The following RGS3 variants were observed in gnomAD, a reference collection of about 807,000 sequenced individuals.
RGS3 encodes regulator of G protein signaling 3, also known as regulator of G-protein signalling 3.
A neutral mutation model predicts 132.6 loss-of-function variants in RGS3; 80 were observed. The ratio of observed to expected loss-of-function variants is 0.60; its 90% CI spans 0.50 to 0.73. RGS3 has a LOEUF of 0.73. RGS3 is among the 30% of genes least tolerant of loss of function. RGS3 has a pLI of 0.00. For synonymous variants in RGS3, 598 were observed against 620.6 expected (o/e 0.96, Z 0.54); for missense variants, 1,382 against 1,530.8 (o/e 0.90, Z 1.62).
chr9:113,484,354 A>C, intron 6 of RGS3, 122 bp downstream of exon 4: 2 of 476,712 alleles, frequency 4.2e-6, no homozygotes, highest in East Asian at 2.9e-5. Context: ...AAAAAACCAA[A>C]ACAAAAAAAA....
At chr9:113,583,781 C>G in exon 20 of RGS3, 2 of 1,614,204 alleles carry the variant, frequency 1.2e-6, no homozygotes, top group Non-Finnish European at 1.7e-6. Flanking sequence ...GAACCCCTGC[C>G]TCACCAGGAC....
chr9:113,461,580 C>A, intron 1 of RGS3: 1 of 974,262 alleles, frequency 1.0e-6, no homozygotes, highest in Non-Finnish European at 1.5e-6. Context: ...GCCTTGCAAT[C>A]TTCCAACTGA....
intron 19 of RGS3, among the ~76,000 whole-genome samples, chr9:113,553,008 A>C (rs1588240011): frequency 1.3e-5 from 2 of 152,146 alleles, no homozygotes; most frequent in East Asian, 3.8e-4. Context: ...CCCATTCCCC[A>C]AGCCCATTTC....
At chr9:113,561,586 A>ATTT (rs1181886025) in intron 19 of RGS3, among the ~76,000 whole-genome samples, 10,917 of 133,154 alleles carry the variant, frequency 0.082, 519 homozygotes, top group Non-Finnish European at 0.097. Context: ...CTAATTTTTA[A>ATTT]TTTTTTTTTT....
In RGS3 at chr9:113,564,858, G is replaced by C. The variant is rs78294798; in HGVS notation, c.2038-18592G>C. ...GGAAGTCAGCGTGTGCTGGCTGCAG[G>C]AGCCTGGGTTCAGTTGCAGCCTCCC... On this transcript the variant is annotated intron_variant, in intron 19 of 24. Coordinates refer to ENST00000350696, the Ensembl canonical transcript of RGS3. 7.2e-4 allele frequency: 660 copies of C among 920,996 alleles called. 3 individuals carry two copies. The African/African-American group carries it at 0.011, about 16-fold the overall frequency. The allele number at this position is 920,996 out of a possible 1,614,324, so 57.1% of individuals were successfully genotyped here.
intron 19 of RGS3, among the ~76,000 whole-genome samples, chr9:113,552,208 A>G (rs1235139566): frequency 1.3e-5 from 2 of 152,078 alleles, no homozygotes; most frequent in Non-Finnish European, 2.9e-5. Context: ...ATTACTTTTC[A>G]TTTTTCCCAA....
At chr9:113,456,838 T>C (rs1453636200), upstream of RGS3, among the ~76,000 whole-genome samples, 1 of 152,216 alleles carries the variant, frequency 6.6e-6, no homozygotes, top group African/African-American at 2.4e-5. Flanking sequence ...TTCGCTTTTG[T>C]CTTCCAGACT....
chr9:113,565,127 C>T lies in RGS3; in HGVS notation c.2038-18323C>T. On this transcript the variant is annotated intron_variant, in intron 19 of 24. Transcript: ENST00000350696. The surrounding 1 kb of genome is among the most constrained non-coding windows in gnomAD (Gnocchi z 5.7). ...AGCAGCACTTTGGGGCCAGCTTGGG[C>T]CCTGGGGATGAGCCACAGGGGACCC... 1.7e-6 allele frequency: 2 copies of T among 1,178,150 alleles called. No individual in the cohort carries two copies. The highest frequency in any genetic ancestry group is 1.6e-5 in the South Asian group (1 of 62,160). The allele number at this position is 1,178,150 out of a possible 1,614,324, so 73.0% of individuals were successfully genotyped here. A position where few individuals can be genotyped will look rare whatever the true frequency, so the allele number is the denominator to read the frequency against.
exon 25 of RGS3, chr9:113,596,994 T>G: frequency 6.5e-7 from 1 of 1,531,020 alleles, no homozygotes; most frequent in Non-Finnish European, 8.8e-7. Context: ...CCAGGCGGGC[T>G]GGGTCCCCTG....
intron 16 of RGS3, among the ~76,000 whole-genome samples, chr9:113,519,046 T>C (rs2119392119): frequency 6.6e-6 from 1 of 152,312 alleles, no homozygotes; most frequent in East Asian, 1.9e-4. Flanking sequence ...TGAGCACTTA[T>C]TGTGTATCCT....
chr9:113,512,508 T>TGCTTGGTGAGAAGGTGAG (rs1395414100), intron 14 of RGS3, among the ~76,000 whole-genome samples: 1 of 152,060 alleles, frequency 6.6e-6, no homozygotes, highest in African/African-American at 2.4e-5. Context: ...GGAGTCAACT[T>TGCTTGGTGAGAAGGTGAG]GTTTTTCTTA....
exon 20 of RGS3, chr9:113,584,036 G>A: frequency 6.2e-7 from 1 of 1,614,140 alleles, no homozygotes; most frequent in Non-Finnish European, 8.5e-7. Flanking sequence ...GAGCAGGGCT[G>A]CTCGGGAGAT....
intron 3 of RGS3, among the ~76,000 whole-genome samples, chr9:113,471,931 A>G (rs1487282959): frequency 6.6e-6 from 1 of 152,214 alleles, no homozygotes; most frequent in African/African-American, 2.4e-5. Context: ...AAGAACTCCC[A>G]TAAAAAGATG....
intron 7 of RGS3, among the ~76,000 whole-genome samples, chr9:113,491,130 A>G (rs1378270298): frequency 1.4e-5 from 2 of 143,884 alleles, no homozygotes; most frequent in Non-Finnish European, 3.0e-5. Context: ...GAAATTATAT[A>G]TACTAATATA....
chr9:113,546,016 C>T (rs559583649), intron 19 of RGS3, among the ~76,000 whole-genome samples: 9 of 152,242 alleles, frequency 5.9e-5, no homozygotes, highest in African/African-American at 2.2e-4. Context: ...CTGGAAGGGC[C>T]AGGGAGACTG....
chr9:113,563,335 AAC>A (rs1457230339), intron 19 of RGS3, among the ~76,000 whole-genome samples: 10 of 152,190 alleles, frequency 6.6e-5, no homozygotes, highest in African/African-American at 2.4e-4. Context: ...CCCAGGGCCT[AAC>A]ACAGAGCCTG....
chr9:113,594,633 A>C, intron 22 of RGS3, 102 bp downstream of exon 20: 1 of 993,292 alleles, frequency 1.0e-6, no homozygotes, highest in Non-Finnish European at 1.5e-6. Context: ...TGCCGGCTTG[A>C]TCCAGCTCTG....
chr9:113,451,919 G>A (rs1401041423), intron 1 of RGS3, among the ~76,000 whole-genome samples: 2 of 151,880 alleles, frequency 1.3e-5, no homozygotes, highest in African/African-American at 4.8e-5. Flanking sequence ...TTGTAAGTCT[G>A]AAAAAAATCT....
rs1833976826 is a variant in RGS3, at chr9:113,565,843, C to G, written c.2038-17607C>G. On this transcript the variant is annotated intron_variant, in intron 19 of 24. Transcript: ENST00000350696. The surrounding 1 kb of genome is among the most constrained non-coding windows in gnomAD (Gnocchi z 5.7). ...GCAGCCATTGATAGGCATGTTGCAA[C>G]CAAACCATTTGTGCTCTGTTCTGAG... 1 of 186,510 alleles carries G rather than the reference C, an allele frequency of 5.4e-6. No individual in the cohort carries two copies. Among genetic ancestry groups the G allele is most frequent in the South Asian group, 9.9e-5 (1 of 10,070 alleles). 11.6% of individuals were successfully genotyped at this position (186,510 alleles called of 1,614,324 possible).
Sources: gnomAD v4.1 joint callset for allele counts (sites outside exome capture counted in the v4.1 genomes callset) on GRCh38, gnomAD v4.1.1 for gene constraint, Gnocchi (gnomAD v3.1) non-coding constraint, MANE v1.5 for transcripts, NCBI Gene and HGNC (gene_info 2026-07-23, HGNC 2026-07-21) for gene names.